Variants in XKR9 observed in about 807,000 individuals in gnomAD.
The protein encoded by XKR9 is XK related 9.
Under a neutral mutation model 32.0 loss-of-function variants are expected in XKR9, and 32 were observed. The ratio of observed to expected loss-of-function variants is 1.00; its 90% CI spans 0.76 to 1.34. The LOEUF (loss-of-function observed/expected upper bound fraction) is 1.34. Among genes scored for constraint, XKR9 ranks in the 40% most tolerant of loss-of-function variants. The pLI is 0.00. For missense variants in XKR9, 546 were observed against 429.7 expected, an observed-to-expected ratio of 1.27 and a Z score of -2.39; for synonymous variants, 168 against 143.4, an observed-to-expected ratio of 1.17 and a Z score of -1.22.
At position 70,767,496 on chromosome 8, in the gene XKR9, C is replaced by CTT. The variant is rs34400671; in HGVS notation, n.353-21824_353-21823dup. Among the ~76,000 whole-genome samples the CTT allele has an allele frequency of 7.5e-3, 742 of 99,326 alleles. 20 individuals carry two copies. The highest frequency in any genetic ancestry group is 0.024 in the African/African-American group (609 of 25,016). 65.2% of individuals were successfully genotyped at this position (99,326 alleles called of 152,430 possible). A position where few individuals can be genotyped will look rare whatever the true frequency, so the allele number is the denominator to read the frequency against. ...TATTTGATTCTTCTCTCTTTTCCTT[C>CTT]TTTTTTTTTTTTTTTTTTTTGAGAT... is the stretch of plus-strand genomic sequence containing the variant. On this transcript the variant is annotated intron_variant and non_coding_transcript_variant, in intron 2 of 3. Coordinates refer to the XKR9 transcript ENST00000520273.
At chr8:70,932,311 G>A in the XKR9 span, among the ~76,000 whole-genome samples, 1 of 152,082 alleles carries the variant, frequency 6.6e-6, no homozygotes, top group Non-Finnish European at 1.5e-5. Flanking sequence ...AGGATATGGA[G>A]TAGGGAAAAA....
At chr8:71,052,050 C>A in the XKR9 span, among the ~76,000 whole-genome samples, 2 of 152,140 alleles carry the variant, frequency 1.3e-5, no homozygotes, top group African/African-American at 4.8e-5. Context: ...AATAATGACA[C>A]CATATGTCTG....
At chr8:70,976,204 T>C in the XKR9 span, among the ~76,000 whole-genome samples, 3 of 151,682 alleles carry the variant, frequency 2.0e-5, no homozygotes, top group Non-Finnish European at 4.4e-5. Flanking sequence ...ACAATTTGAC[T>C]TCTACCCTTT....
At chr8:70,862,403 G>C in the XKR9 span, among the ~76,000 whole-genome samples, 1 of 151,744 alleles carries the variant, frequency 6.6e-6, no homozygotes, top group African/African-American at 2.4e-5. Context: ...CAAAAGAGAT[G>C]TCTTTTTGCA....
At chr8:70,824,901 G>GTACTAA in the XKR9 span, among the ~76,000 whole-genome samples, 1 of 151,918 alleles carries the variant, frequency 6.6e-6, no homozygotes, top group African/African-American at 2.4e-5. Context: ...AGGGCAACAA[G>GTACTAA]TACTAAGTAG....
At chr8:70,737,290 A>T (rs1465608868), downstream of XKR9, among the ~76,000 whole-genome samples, 5 of 146,694 alleles carry the variant, frequency 3.4e-5, no homozygotes, top group South Asian at 8.6e-4. Flanking sequence ...GGTGTATAAG[A>T]ATGCTTGTGA....
At chr8:70,821,833 C>T in the XKR9 span, among the ~76,000 whole-genome samples, 10 of 152,156 alleles carry the variant, frequency 6.6e-5, no homozygotes, top group Non-Finnish European at 1.5e-5. Context: ...ATTTTTTCCT[C>T]CTAGGCCTCT....
the XKR9 span, among the ~76,000 whole-genome samples, chr8:70,882,895 A>C: frequency 2.0e-5 from 3 of 149,574 alleles, no homozygotes; most frequent in South Asian, 6.2e-4. Flanking sequence ...TTACTGTCCT[A>C]AATCCCCCTG....
At chr8:70,816,304 T>G in the XKR9 span, among the ~76,000 whole-genome samples, 1 of 152,202 alleles carries the variant, frequency 6.6e-6, no homozygotes, top group East Asian at 1.9e-4. Context: ...GGAAGTTAAA[T>G]TAGTATAACC....
At chr8:70,934,749 C>T in the XKR9 span, among the ~76,000 whole-genome samples, 1 of 151,874 alleles carries the variant, frequency 6.6e-6, no homozygotes, top group Non-Finnish European at 1.5e-5. Context: ...TTTAGACTAA[C>T]TGGACACCAA....
chr8:70,962,970 T>C, the XKR9 span, among the ~76,000 whole-genome samples: 1 of 152,212 alleles, frequency 6.6e-6, no homozygotes, highest in African/African-American at 2.4e-5. Flanking sequence ...TTTTTTTTCT[T>C]CAACTTATAT....
chr8:70,803,081 G>A, the XKR9 span, among the ~76,000 whole-genome samples: 3 of 151,968 alleles, frequency 2.0e-5, no homozygotes, highest in South Asian at 2.1e-4. Context: ...TCTCTTTTAG[G>A]GTTGACAGTA....
At chr8:70,935,913 A>G in the XKR9 span, among the ~76,000 whole-genome samples, 1 of 152,066 alleles carries the variant, frequency 6.6e-6, no homozygotes, top group Non-Finnish European at 1.5e-5. Context: ...TTTGAAATCT[A>G]TACAAAAAAC....
chr8:70,914,606 A>G, the XKR9 span, among the ~76,000 whole-genome samples: 1 of 152,090 alleles, frequency 6.6e-6, no homozygotes, highest in African/African-American at 2.4e-5. Context: ...GGATTTCTGT[A>G]TACATTCTGC....
chr8:70,814,236 G>A, the XKR9 span, among the ~76,000 whole-genome samples: 1 of 151,908 alleles, frequency 6.6e-6, no homozygotes, highest in Non-Finnish European at 1.5e-5. Context: ...AGGTGGAATT[G>A]AACAATGAGA....
downstream of XKR9, among the ~76,000 whole-genome samples, chr8:70,740,879 G>C (rs1222309494): frequency 2.0e-5 from 3 of 152,222 alleles, no homozygotes; most frequent in African/African-American, 4.8e-5. Context: ...TGCCCCTCCT[G>C]GGGGTTGCCT....
chr8:70,909,224 C>T, the XKR9 span, among the ~76,000 whole-genome samples: 3 of 152,130 alleles, frequency 2.0e-5, no homozygotes, highest in African/African-American at 7.2e-5. Flanking sequence ...CATTATCTGG[C>T]CTTTTCCTGT....
the XKR9 span, among the ~76,000 whole-genome samples, chr8:71,029,658 T>C: frequency 6.6e-6 from 1 of 152,146 alleles, no homozygotes. Flanking sequence ...TAAATGAATA[T>C]GTGACTAAAA....
At chr8:70,910,031 C>T in the XKR9 span, among the ~76,000 whole-genome samples, 1 of 151,380 alleles carries the variant, frequency 6.6e-6, no homozygotes, top group Non-Finnish European at 1.5e-5. Flanking sequence ...TATCATAGCA[C>T]TTAGTGAAAT....
Sources: gnomAD v4.1 joint callset for allele counts (sites outside exome capture counted in the v4.1 genomes callset) on GRCh38, gnomAD v4.1.1 for gene constraint, MANE v1.5 for transcripts, NCBI Gene and HGNC (gene_info 2026-07-23, HGNC 2026-07-21) for gene names.